CAPRIN2: variants seen among roughly 807,000 people sequenced by gnomAD.
The protein encoded by CAPRIN2 is caprin-2.
A neutral mutation model predicts 130.4 loss-of-function variants in CAPRIN2; 66 were observed. The observed-to-expected ratio is 0.51, with a 90% CI of 0.42 to 0.62. The LOEUF (loss-of-function observed/expected upper bound fraction) is 0.62, where lower values mean the gene tolerates loss of function less well. CAPRIN2 is among the 20% of genes least tolerant of loss of function. The pLI is 0.00. For missense variants in CAPRIN2, 1,185 were observed against 1,246.6 expected (o/e 0.95, Z 0.74); for synonymous variants, 471 against 444.1 (o/e 1.06, Z -0.76).
chr12:30,712,748 TTTTTTTTTTTGA>T (rs2055557241), intron 15 of CAPRIN2, among the ~76,000 whole-genome samples: 1 of 139,012 alleles, frequency 7.2e-6, no homozygotes, highest in African/African-American at 3.1e-5. Flanking sequence ...TTTTTTTTTT[TTTTTTTTTTTGA>T]GACAGAGTCT....
At chr12:30,733,153 A>G (rs1286413970) in intron 5 of CAPRIN2, among the ~76,000 whole-genome samples, 1 of 152,140 alleles carries the variant, frequency 6.6e-6, no homozygotes, top group Non-Finnish European at 1.5e-5. Context: ...ATTTGGCCAA[A>G]GTCTATTTAG....
chr12:30,728,414 G>T (rs2061555583), intron 8 of CAPRIN2: 3 of 420,292 alleles, frequency 7.1e-6, no homozygotes, highest in Admixed American at 8.2e-5. Context: ...AATTAGCCAG[G>T]TGTGGTGGCA....
chr12:30,712,595 TCA>T (rs1438811277), intron 15 of CAPRIN2, among the ~76,000 whole-genome samples: 1 of 152,142 alleles, frequency 6.6e-6, no homozygotes, highest in Non-Finnish European at 1.5e-5. Flanking sequence ...GGAGAATACC[TCA>T]GTGTTAGATG....
rs541392144 is a variant in CAPRIN2 at position 30,716,821 on chromosome 12, C to T, written c.2149-145G>A. 1.6e-5 allele frequency: 10 copies of T among 641,908 alleles called. No homozygotes were observed. In the South Asian group the frequency reaches 2.0e-4, roughly 13 times the overall value. 39.8% of individuals were successfully genotyped at this position (641,908 alleles called of 1,614,324 possible). On this transcript the variant is annotated intron_variant, in intron 12 of 16. Coordinates refer to ENST00000298892, the Ensembl canonical transcript of CAPRIN2. ...ACATCTCTCCAAAGAAGATAAATGG[C>T]AAATAAGCACATGAAAACATGCTCA...
At chr12:30,743,557 T>C (rs2068512394) in intron 2 of CAPRIN2, among the ~76,000 whole-genome samples, 1 of 152,210 alleles carries the variant, frequency 6.6e-6, no homozygotes. Context: ...TTACTAACAC[T>C]GAACTTCCAT....
In CAPRIN2 at chr12:30,710,244, G is replaced by C; in HGVS notation, c.2892C>G (p.Asp964Glu). The change falls in exon 17 of 17, where the codon GAC becomes GAG. Residue 964 changes from aspartate to glutamate, a missense_variant. Asp to Glu is a conservative substitution (Grantham distance 45, BLOSUM62 2). Coordinates refer to ENST00000298892, the Ensembl canonical transcript of CAPRIN2. The surrounding 1 kb of genome is among the most constrained non-coding windows in gnomAD (Gnocchi z 4.8). ...GAAGAAGATCAAACACAATAGGTTG[G>C]TCTAAAGTTCCAGGGGCCAGATTAG... The C allele has an allele frequency of 6.2e-7, 1 of 1,614,176 alleles. No individual in the cohort carries two copies. The highest frequency in any genetic ancestry group is 1.7e-5 in the Admixed American group (1 of 60,016).
chr12:30,753,900 T>C (rs1280323223), exon 1 of CAPRIN2: 8 of 764,578 alleles, frequency 1.0e-5, no homozygotes, highest in East Asian at 5.1e-5. Flanking sequence ...TCAGAGCTCC[T>C]TTCTTCTCAT....
chr12:30,730,894 C>G (rs530622854), intron 6 of CAPRIN2, among the ~76,000 whole-genome samples: 1 of 152,256 alleles, frequency 6.6e-6, no homozygotes, highest in East Asian at 1.9e-4. Flanking sequence ...CTTCCCCAGG[C>G]AAATGATAAT....
intron 5 of CAPRIN2, 48 bp from the exon 7 acceptor site, chr12:30,731,558 A>T: frequency 6.9e-7 from 1 of 1,458,558 alleles, no homozygotes; most frequent in Non-Finnish European, 9.5e-7. Context: ...CTAATTGAAA[A>T]TTACTGGGAA....
intron 3 of CAPRIN2, among the ~76,000 whole-genome samples, chr12:30,737,598 C>CTTTTTTTTTTT (rs11304850): frequency 7.6e-6 from 1 of 131,244 alleles, no homozygotes; most frequent in African/African-American, 2.8e-5. Context: ...AACTGGTTTT[C>CTTTTTTTTTTT]TTTTTTTTTT....
chr12:30,737,598 CT>C (rs11304850), intron 3 of CAPRIN2, among the ~76,000 whole-genome samples: 27,628 of 130,872 alleles, frequency 0.21, 2,143 homozygotes, highest in Middle Eastern at 0.29. Flanking sequence ...AACTGGTTTT[CT>C]TTTTTTTTTT....
intron 4 of CAPRIN2, among the ~76,000 whole-genome samples, chr12:30,734,076 C>T (rs2063622597): frequency 2.0e-5 from 3 of 152,196 alleles, no homozygotes; most frequent in Admixed American, 2.0e-4. Flanking sequence ...TTAAAGAAAG[C>T]AGCTTATTTA....
Position 30,710,247 on chromosome 12 carries a change from T to C in CAPRIN2, c.2889A>G (p.Leu963=). ...GAAGATCAAACACAATAGGTTGGTC[T>C]AAAGTTCCAGGGGCCAGATTAGAGG... is the stretch of plus-strand genomic sequence containing the variant. The change falls in exon 17 of 17, where the codon TTA becomes TTG. Residue 963 remains leucine (L), a synonymous_variant. Transcript: ENST00000298892. The surrounding 1 kb of genome is among the most constrained non-coding windows in gnomAD (Gnocchi z 4.8). 1.2e-6 allele frequency: 2 copies of C among 1,614,186 alleles called. No homozygotes were observed. The highest frequency in any genetic ancestry group is 1.7e-6 in the Non-Finnish European group (2 of 1,180,036).
At chr12:30,712,805 T>C (rs2136361640) in intron 15 of CAPRIN2, among the ~76,000 whole-genome samples, 1 of 142,382 alleles carries the variant, frequency 7.0e-6, no homozygotes, top group Non-Finnish European at 1.5e-5. Flanking sequence ...GCAATGGCGC[T>C]ATCTCTGCTC....
chr12:30,736,687 C>T (rs1183717012), intron 3 of CAPRIN2, among the ~76,000 whole-genome samples: 2 of 152,180 alleles, frequency 1.3e-5, no homozygotes, highest in Non-Finnish European at 2.9e-5. Context: ...CATGGGCAAG[C>T]ACATTTTCTC....
At chr12:30,732,206 T>A (rs1184828792) in intron 5 of CAPRIN2, among the ~76,000 whole-genome samples, 5 of 152,046 alleles carry the variant, frequency 3.3e-5, no homozygotes, top group Non-Finnish European at 5.9e-5. Flanking sequence ...CTTAAAATGA[T>A]GCTGAGGTCA....
rs554136624 is a variant in CAPRIN2 at position 30,736,947 on chromosome 12, G to A, written c.571-1741C>T. On this transcript the variant is annotated intron_variant, in intron 3 of 16. Coordinates refer to ENST00000298892, the Ensembl canonical transcript of CAPRIN2. The stretch of plus-strand genomic sequence containing the variant: ...ATCTTTGGCCAGTCTCCCAAGGTAG[G>A]ACTGGGTGGTCATATGGGCTCATGC... Among the ~76,000 whole-genome samples the A allele has an allele frequency of 1.2e-4, 19 of 152,282 alleles. No homozygotes were observed. The South Asian group carries it at 2.1e-3, about 17-fold the overall frequency.
At chr12:30,712,748 T>C (rs2055553399) in intron 15 of CAPRIN2, among the ~76,000 whole-genome samples, 1 of 139,012 alleles carries the variant, frequency 7.2e-6, no homozygotes, top group African/African-American at 3.1e-5. Context: ...TTTTTTTTTT[T>C]TTTTTTTTTT....
rs7956082 is a variant in CAPRIN2, at chr12:30,734,877, C to T, written c.809+91G>A. 26,720 of 778,916 alleles carry T rather than the reference C, an allele frequency of 0.034. 786 individuals are homozygous for T. Among genetic ancestry groups the T allele is most frequent in the African/African-American group, 0.11 (6,065 of 55,974 alleles). The allele number at this position is 778,916 out of a possible 1,614,324, so 48.3% of individuals were successfully genotyped here. On this transcript the variant is annotated intron_variant, in intron 4 of 16. Transcript: ENST00000298892. ...ACACACACACACACACACACACACA[C>T]ACACACACACTCTCTCTCTCACATA... is the stretch of plus-strand genomic sequence containing the variant.
Sources: gnomAD v4.1 joint callset for allele counts (sites outside exome capture counted in the v4.1 genomes callset) on GRCh38, gnomAD v4.1.1 for gene constraint, Gnocchi (gnomAD v3.1) non-coding constraint, MANE v1.5 for transcripts, NCBI Gene and HGNC (gene_info 2026-07-23, HGNC 2026-07-21) for gene names.